Variants in ACBD5 observed in about 807,000 individuals in gnomAD.
The protein encoded by ACBD5 is acyl-CoA-binding domain-containing protein 5.
ACBD5 carries 40 observed loss-of-function variants against 71.8 expected under a neutral mutation model. That is an observed-to-expected ratio of 0.56 (90% confidence interval 0.43 to 0.72). The LOEUF is 0.72. Ranked by LOEUF, ACBD5 falls within the 30% of genes least tolerant of loss-of-function variation. The pLI, the probability that ACBD5 is intolerant of heterozygous loss-of-function variation, is 0.00. For synonymous variants in ACBD5, 229 were observed against 218.6 expected, an observed-to-expected ratio of 1.05 and a Z score of -0.42; for missense variants, 559 against 644.5, an observed-to-expected ratio of 0.87 and a Z score of 1.44.
chr10:27,241,327 AC>A (rs1421904850), upstream of ACBD5, among the ~76,000 whole-genome samples: 1 of 152,226 alleles, frequency 6.6e-6, no homozygotes, highest in African/African-American at 2.4e-5. Context: ...CAATCGTGAC[AC>A]CCACTCTAAA....
chr10:27,199,544 C>A (rs564482927), intron 12 of ACBD5, among the ~76,000 whole-genome samples: 2 of 152,200 alleles, frequency 1.3e-5, no homozygotes, highest in Admixed American at 6.5e-5. Context: ...GGAATAAATT[C>A]TGCCTTTCCC....
intron 4 of ACBD5, among the ~76,000 whole-genome samples, chr10:27,228,791 T>TATATATATATA (rs2063411422): frequency 2.7e-4 from 6 of 22,128 alleles, no homozygotes; most frequent in Admixed American, 1.2e-3. Context: ...CCTATTATGT[T>TATATATATATA]TATATATATA....
In ACBD5 at chr10:27,184,045, T is replaced by G. The variant is rs191905487; in HGVS notation, c.1494-1330A>C. Among the ~76,000 whole-genome samples the G allele has an allele frequency of 2.8e-3, 427 of 152,192 alleles. 2 individuals are homozygous for G. The highest frequency in any genetic ancestry group is 4.7e-3 in the Non-Finnish European group (318 of 67,972). On this transcript the variant is annotated intron_variant, in intron 13 of 13. Transcript: ENST00000676511. ...TTACTCACTGATTTAACCAATCCTA[T>G]AGAGTGCCTTCTAGGAGCTAGGTGA...
At chr10:27,214,119 CAATT>C (rs1327866413) in intron 8 of ACBD5, among the ~76,000 whole-genome samples, 7 of 152,022 alleles carry the variant, frequency 4.6e-5, no homozygotes, top group African/African-American at 1.2e-4. Context: ...AAAATTAAAA[CAATT>C]AAACTCATGG....
chr10:27,189,335 TTG>T (rs750490998), intron 13 of ACBD5, among the ~76,000 whole-genome samples: 26 of 152,334 alleles, frequency 1.7e-4, no homozygotes, highest in Admixed American at 1.2e-3. Context: ...TATATACAGT[TTG>T]TATTAATAAA....
chr10:27,228,862 A>G (rs2063495229), intron 4 of ACBD5, among the ~76,000 whole-genome samples: 2 of 110,220 alleles, frequency 1.8e-5, no homozygotes, highest in Admixed American at 2.5e-4. Flanking sequence ...GCCGTTACCC[A>G]GGCTGGAGTG....
At chr10:27,223,223 G>T (rs547060937) in intron 5 of ACBD5, 115 bp downstream of exon 5, 24 of 786,686 alleles carry the variant, frequency 3.1e-5, no homozygotes, top group African/African-American at 2.2e-4. Context: ...AACATTTAGA[G>T]ATTTTCTCCA....
intron 12 of ACBD5, among the ~76,000 whole-genome samples, chr10:27,202,969 C>T (rs1275856996): frequency 2.4e-4 from 17 of 70,768 alleles, no homozygotes; most frequent in African/African-American, 5.4e-4. Context: ...TCTATATCCT[C>T]TTTTTTTTTT....
At chr10:27,188,936 G>T (rs882474) in intron 13 of ACBD5, among the ~76,000 whole-genome samples, 91,438 of 152,034 alleles carry the variant, frequency 0.6, 27,808 homozygotes, top group Non-Finnish European at 0.65. Context: ...ATCCTAAAAT[G>T]CCTCTTTGAC....
chr10:27,211,255 G>C (rs2061047186), intron 8 of ACBD5, among the ~76,000 whole-genome samples, 174 bp from the exon 9 acceptor site: 1 of 152,104 alleles, frequency 6.6e-6, no homozygotes, highest in Admixed American at 6.6e-5. Context: ...CTACCTGCAG[G>C]GAAGAAATAG....
intron 4 of ACBD5, among the ~76,000 whole-genome samples, chr10:27,230,828 C>G (rs2063764303): frequency 6.7e-6 from 1 of 149,104 alleles, no homozygotes; most frequent in Non-Finnish European, 1.5e-5. Flanking sequence ...CTATGATCAT[C>G]TTTAAAATTC....
chr10:27,225,431 G>C (rs1239623748), intron 4 of ACBD5, among the ~76,000 whole-genome samples: 1 of 152,168 alleles, frequency 6.6e-6, no homozygotes, highest in Non-Finnish European at 1.5e-5. Flanking sequence ...TGTAGGAGGA[G>C]GTTGTTGAGA....
Position 27,222,705 on chromosome 10 carries a change from G to T in ACBD5, c.490+633C>A, listed in dbSNP as rs560602701. Among the ~76,000 whole-genome samples, 57 of 152,186 alleles carry T rather than the reference G, an allele frequency of 3.7e-4. 1 individual carries two copies. In the South Asian group the frequency reaches 0.012, roughly 31 times the overall value. On this transcript the variant is annotated intron_variant, in intron 5 of 12. Transcript: ENST00000396271. ...TGTGCCTCAGCCTCCCAAGTAGCTG[G>T]GATCACAGGCGTGTGCCACCATGCC... is the stretch of plus-strand genomic sequence containing the variant.
intron 4 of ACBD5, among the ~76,000 whole-genome samples, chr10:27,227,877 T>C (rs1194665610): frequency 6.6e-6 from 1 of 152,020 alleles, no homozygotes; most frequent in Non-Finnish European, 1.5e-5. Flanking sequence ...CACGCCCAGC[T>C]AAATTTTTGT....
chr10:27,197,184 A>G lies in ACBD5; in HGVS notation c.*246T>C. 1.7e-6 allele frequency: 1 copy of G among 594,828 alleles called. No homozygotes were observed. Among genetic ancestry groups the G allele is most frequent in the South Asian group, 1.9e-5 (1 of 52,852 alleles). 36.8% of individuals were successfully genotyped at this position (594,828 alleles called of 1,614,324 possible). On this transcript the variant is annotated 3_prime_UTR_variant, in exon 13 of 13. Transcript: ENST00000396271. Reference sequence around the variant, plus strand: ...TCCTTCAAGTTCAAGGGCAGGGTAAATCTGTGTATACTACTTATAACCTAG... The same window carrying G: ...TCCTTCAAGTTCAAGGGCAGGGTAAGTCTGTGTATACTACTTATAACCTAG...
chr10:27,217,947 G>A (rs2061853748), intron 7 of ACBD5, 33 bp downstream of exon 7: 2 of 1,585,402 alleles, frequency 1.3e-6, no homozygotes, highest in Non-Finnish European at 1.7e-6. Flanking sequence ...TCATAGGAAA[G>A]AGGCTGGACA....
downstream of ACBD5, among the ~76,000 whole-genome samples, chr10:27,194,636 T>TAAG (rs772324351): frequency 0.017 from 2,493 of 147,312 alleles, 75 homozygotes; most frequent in African/African-American, 0.058. Flanking sequence ...ATAATAATAA[T>TAAG]AATAATAATA....
intron 13 of ACBD5, among the ~76,000 whole-genome samples, chr10:27,187,598 A>G (rs1278044893): frequency 6.6e-6 from 1 of 151,838 alleles, no homozygotes; most frequent in Admixed American, 6.6e-5. Flanking sequence ...CTAAAAATAG[A>G]AAAATTAGCC....
chr10:27,215,132 C>G (rs1263009252), intron 8 of ACBD5, among the ~76,000 whole-genome samples: 1 of 151,990 alleles, frequency 6.6e-6, no homozygotes, highest in Non-Finnish European at 1.5e-5. Context: ...CCACTGCACT[C>G]CAGCCTGGGT....
Sources: allele counts gnomAD v4.1 joint callset (sites outside exome capture counted in the v4.1 genomes callset), GRCh38; gene constraint gnomAD v4.1.1; transcripts MANE v1.5; gene names NCBI Gene and HGNC (gene_info 2026-07-23, HGNC 2026-07-21).